Variants in MCF2L2 observed in about 807,000 individuals in gnomAD.
The protein encoded by MCF2L2 is MCF.2 cell line derived transforming sequence-like 2.
Under a neutral mutation model 150.2 loss-of-function variants are expected in MCF2L2, and 102 were observed. The ratio of observed to expected loss-of-function variants is 0.68; its 90% CI spans 0.58 to 0.80. The LOEUF (loss-of-function observed/expected upper bound fraction) is 0.80. Ranked by LOEUF, MCF2L2 falls within the 30% of genes least tolerant of loss-of-function variation. MCF2L2 has a pLI of 0.00. For missense variants in MCF2L2, 1,256 were observed against 1,372.8 expected, an observed-to-expected ratio of 0.91 and a Z score of 1.34; for synonymous variants, 465 against 491.3, an observed-to-expected ratio of 0.95 and a Z score of 0.71.
intron 3 of MCF2L2, among the ~76,000 whole-genome samples, chr3:183,353,032 AAC>A (rs1484955834): frequency 3.9e-5 from 6 of 152,244 alleles, no homozygotes; most frequent in Non-Finnish European, 7.3e-5. Flanking sequence ...ACACACATGA[AAC>A]AGATTGTCCA....
intron 3 of MCF2L2, among the ~76,000 whole-genome samples, chr3:183,356,779 G>A (rs548776678): frequency 3.3e-5 from 5 of 152,244 alleles, no homozygotes; most frequent in African/African-American, 1.2e-4. Context: ...GCATCAAAGA[G>A]AAAGACTGAG....
At chr3:183,269,652 TATTTTGTAAAATAAGA>T in intron 15 of MCF2L2, 1 of 720,320 alleles carries the variant, frequency 1.4e-6, no homozygotes, top group East Asian at 2.9e-5. Flanking sequence ...TAAAAGAAAC[TATTTTGTAAAATAAGA>T]AGACTTCCAT....
At chr3:183,344,200 T>C (rs1220777993) in intron 3 of MCF2L2, among the ~76,000 whole-genome samples, 1 of 152,130 alleles carries the variant, frequency 6.6e-6, no homozygotes, top group Non-Finnish European at 1.5e-5. Context: ...ATACTATTTA[T>C]ATTGTATATA....
intron 2 of MCF2L2, among the ~76,000 whole-genome samples, chr3:183,385,877 C>A (rs1479270803): frequency 6.6e-6 from 1 of 152,148 alleles, no homozygotes; most frequent in South Asian, 2.1e-4. Context: ...ACAAACAGAA[C>A]CAAAGAAGCC....
At chr3:183,234,707 T>TTTTTTTTTTTTTTA (rs774291171) in intron 15 of MCF2L2, among the ~76,000 whole-genome samples, 3 of 113,902 alleles carry the variant, frequency 2.6e-5, no homozygotes, top group Non-Finnish European at 5.6e-5. Context: ...TTTTTTTTTT[T>TTTTTTTTTTTTTTA]TTATTATACT....
At chr3:183,274,201 C>T (rs1468603517) in intron 15 of MCF2L2, among the ~76,000 whole-genome samples, 2 of 149,578 alleles carry the variant, frequency 1.3e-5, no homozygotes, top group Non-Finnish European at 3.0e-5. Context: ...GACGACAGAG[C>T]GAGACTGTCT....
chr3:183,258,961 A>G (rs1725335443), intron 15 of MCF2L2, among the ~76,000 whole-genome samples: 1 of 152,254 alleles, frequency 6.6e-6, no homozygotes, highest in Non-Finnish European at 1.5e-5. Context: ...AACAATTGTT[A>G]CACGGTATTG....
At chr3:183,210,784 G>A (rs1359043808) in intron 22 of MCF2L2, among the ~76,000 whole-genome samples, 1 of 152,168 alleles carries the variant, frequency 6.6e-6, no homozygotes, top group Non-Finnish European at 1.5e-5. Flanking sequence ...CAGGCAGCAA[G>A]GTTTGTGCTT....
intron 3 of MCF2L2, chr3:183,377,897 G>C: frequency 6.6e-6 from 1 of 152,058 alleles, no homozygotes; most frequent in Non-Finnish European, 1.5e-5. Flanking sequence ...ATTAACGCGT[G>C]GCATATGGCA....
At chr3:183,419,745 C>A (rs1411947585) in intron 1 of MCF2L2, among the ~76,000 whole-genome samples, 1 of 152,130 alleles carries the variant, frequency 6.6e-6, no homozygotes, top group East Asian at 1.9e-4. Flanking sequence ...TGGTGGCATG[C>A]ACCTGTAGTC....
chr3:183,295,529 G>T, intron 12 of MCF2L2, 52 bp from the exon 13 acceptor site: 2 of 1,562,590 alleles, frequency 1.3e-6, no homozygotes, highest in Non-Finnish European at 1.8e-6. Flanking sequence ...TATACAGCCT[G>T]AGGACACGAA....
chr3:183,328,633 G>A (rs1730148113), intron 5 of MCF2L2, among the ~76,000 whole-genome samples: 1 of 152,096 alleles, frequency 6.6e-6, no homozygotes, highest in Non-Finnish European at 1.5e-5. Flanking sequence ...AAAGAGTTCT[G>A]TGATATGGCA....
chr3:183,343,674 T>A (rs1426109822), intron 3 of MCF2L2, among the ~76,000 whole-genome samples: 1 of 152,104 alleles, frequency 6.6e-6, no homozygotes, highest in Non-Finnish European at 1.5e-5. Flanking sequence ...CAGCCCAACA[T>A]AGCAACTTGA....
intron 14 of MCF2L2, among the ~76,000 whole-genome samples, chr3:183,281,556 C>T (rs887008872): frequency 2.6e-5 from 4 of 152,152 alleles, no homozygotes; most frequent in African/African-American, 7.2e-5. Context: ...CTTTGGAAAA[C>T]TGGGCAGTCT....
intron 25 of MCF2L2, among the ~76,000 whole-genome samples, chr3:183,204,742 G>A (rs1439828345): frequency 6.6e-6 from 1 of 151,892 alleles, no homozygotes; most frequent in Admixed American, 6.6e-5. Context: ...TCCAAAAAGG[G>A]GAAAAACCCC....
intron 14 of MCF2L2, among the ~76,000 whole-genome samples, chr3:183,288,256 C>T (rs1727905788): frequency 6.6e-6 from 1 of 152,096 alleles, no homozygotes; most frequent in Admixed American, 6.5e-5. Context: ...TGATTCCAAA[C>T]CTTATGCTTT....
intron 1 of MCF2L2, among the ~76,000 whole-genome samples, chr3:183,418,125 T>C (rs1000466311): frequency 3.9e-5 from 6 of 152,058 alleles, no homozygotes; most frequent in African/African-American, 7.2e-5. Flanking sequence ...GAGGCAGAGG[T>C]TGCAGTGAGC....
intron 1 of MCF2L2, among the ~76,000 whole-genome samples, chr3:183,414,427 C>G (rs1394083591): frequency 1.3e-5 from 2 of 151,722 alleles, no homozygotes; most frequent in African/African-American, 4.8e-5. Context: ...TAGAAATGTC[C>G]CCTCTTTCAT....
rs981566109 is a variant in MCF2L2 at position 183,317,958 on chromosome 3, G to T, written c.753+110C>A. ...GATCAGTGGCTTCCAAGTCACTAAA[G>T]AAGAAGGAAAACGAGGGCTTAACTG... On this transcript the variant is annotated intron_variant, in intron 7 of 29. Transcript: ENST00000328913. 8 of 1,360,192 alleles carry T rather than the reference G, an allele frequency of 5.9e-6. No individual in the cohort carries two copies. The East Asian group carries it at 1.8e-4, about 30-fold the overall frequency. The allele number at this position is 1,360,192 out of a possible 1,614,324, so 84.3% of individuals were successfully genotyped here.
Sources: allele counts gnomAD v4.1 joint callset (sites outside exome capture counted in the v4.1 genomes callset), GRCh38; gene constraint gnomAD v4.1.1; transcripts MANE v1.5; gene names NCBI Gene and HGNC (gene_info 2026-07-23, HGNC 2026-07-21).